CUX1: variants seen among roughly 807,000 people sequenced by gnomAD.
CUX1 encodes the protein cut like homeobox 1.
A neutral mutation model predicts 158.8 loss-of-function variants in CUX1; 31 were observed. The observed-to-expected ratio is 0.20, with a 90% CI of 0.15 to 0.26. CUX1 has a LOEUF of 0.26. Among genes scored for constraint, CUX1 ranks in the 10% least tolerant of loss-of-function variants. The pLI is 1.00. For missense variants in CUX1, 1,589 were observed against 2,014.6 expected (o/e 0.79, Z 4.04); for synonymous variants, 879 against 862.1 (o/e 1.02, Z -0.34).
rs141049421 is a variant in CUX1, at chr7:101,997,289, C to A, written c.142-30809C>A. ...TGCGTGCACGGAGCCTGCTCCACGT[C>A]TCTATGGACATTTCCATAACTTTTC... On this transcript the variant is annotated intron_variant, in intron 2 of 23. Transcript: ENST00000292535. Among the ~76,000 whole-genome samples the A allele has an allele frequency of 9.1e-3, 1,381 of 152,336 alleles. 18 individuals carry two copies. Among genetic ancestry groups the A allele is most frequent in the African/African-American group, 0.031 (1,308 of 41,584 alleles).
In CUX1 at chr7:102,241,831, G is replaced by A. The variant is rs566762785; in HGVS notation, c.3887+2247G>A. On this transcript the variant is annotated intron_variant, in intron 23 of 23. Transcript: ENST00000292535. ...GGACAAAATCCAGGATTAGCCAGGC[G>A]TGGTAACACGCACCTACAGCCCCAG... Among the ~76,000 whole-genome samples the A allele has an allele frequency of 2.2e-3, 336 of 152,340 alleles. 1 individual carries two copies. Among genetic ancestry groups the A allele is most frequent in the Middle Eastern group, 6.8e-3 (2 of 294 alleles).
chr7:101,847,255 T>C (rs1795797346), intron 1 of CUX1, among the ~76,000 whole-genome samples: 1 of 152,176 alleles, frequency 6.6e-6, no homozygotes. Flanking sequence ...AAATTTAGTT[T>C]TGGGGAAACT....
intron 3 of CUX1, among the ~76,000 whole-genome samples, chr7:102,061,226 A>G (rs1287898535): frequency 6.6e-6 from 1 of 151,896 alleles, no homozygotes; most frequent in Non-Finnish European, 1.5e-5. Flanking sequence ...TGCCCAGCCA[A>G]AGACTTCAGC....
At chr7:101,967,189 A>G (rs968316033) in intron 2 of CUX1, among the ~76,000 whole-genome samples, 12 of 151,580 alleles carry the variant, frequency 7.9e-5, no homozygotes, top group Non-Finnish European at 1.6e-4. Context: ...TAATTTTTGT[A>G]TTTTTAGTAG....
chr7:102,048,450 A>T (rs1364446922), intron 3 of CUX1, among the ~76,000 whole-genome samples: 1 of 152,118 alleles, frequency 6.6e-6, no homozygotes, highest in Non-Finnish European at 1.5e-5. Flanking sequence ...GTAGTGTTAG[A>T]ACCCAGGTGT....
chr7:102,130,371 T>TG (rs1833082276), intron 8 of CUX1, among the ~76,000 whole-genome samples: 1 of 152,028 alleles, frequency 6.6e-6, no homozygotes. Context: ...TAAAGAGGGT[T>TG]GGGAAAAAAT....
At chr7:101,850,383 C>A (rs1395222499) in intron 1 of CUX1, among the ~76,000 whole-genome samples, 3 of 151,350 alleles carry the variant, frequency 2.0e-5, no homozygotes, top group African/African-American at 7.3e-5. Flanking sequence ...TTTCCTACAC[C>A]CAAGAGCAGC....
intron 20 of CUX1, among the ~76,000 whole-genome samples, chr7:102,224,649 T>A (rs574749569): frequency 6.6e-6 from 1 of 152,272 alleles, no homozygotes; most frequent in Non-Finnish European, 1.5e-5. Flanking sequence ...GGGACACCTG[T>A]AACAGTAGTG....
Position 101,869,065 on chromosome 7 carries a change from G to C in CUX1, c.31-47050G>C, listed in dbSNP as rs1008019753. 3.0e-5 allele frequency among the ~76,000 whole-genome samples: 4 copies of C among 134,258 alleles called. No individual in the cohort carries two copies. The highest frequency in any genetic ancestry group is 8.6e-5 in the Admixed American group (1 of 11,636). 88.1% of individuals were successfully genotyped at this position (134,258 alleles called of 152,430 possible). On this transcript the variant is annotated intron_variant, in intron 1 of 23. Transcript: ENST00000292535. The surrounding 1 kb of genome is among the most constrained non-coding windows in gnomAD (Gnocchi z 4.5). ...CTGGGGTGGAGACTTCCTGGCTTCC[G>C]AGGGCGGGCGAGGGGGCAAAGGGCC...
At chr7:101,849,433 TG>T (rs1584753218) in intron 1 of CUX1, among the ~76,000 whole-genome samples, 1 of 152,256 alleles carries the variant, frequency 6.6e-6, no homozygotes, top group East Asian at 1.9e-4. Flanking sequence ...ATGCAGTATT[TG>T]GTTTTCTATT....
intron 7 of CUX1, among the ~76,000 whole-genome samples, chr7:102,113,240 T>A (rs1408518831): frequency 2.6e-5 from 4 of 152,134 alleles, no homozygotes; most frequent in African/African-American, 9.7e-5. Context: ...TTTTTAATTA[T>A]TTATTTATTT....
intron 1 of CUX1, among the ~76,000 whole-genome samples, chr7:101,857,149 G>A (rs927091333): frequency 1.3e-5 from 2 of 152,150 alleles, no homozygotes; most frequent in African/African-American, 4.8e-5. Context: ...TACCCCGCCC[G>A]GTGTTAGCGT....
At chr7:102,066,263 A>C (rs569598575) in intron 3 of CUX1, among the ~76,000 whole-genome samples, 2 of 151,958 alleles carry the variant, frequency 1.3e-5, no homozygotes, top group Non-Finnish European at 2.9e-5. Flanking sequence ...ACCTGTCTAC[A>C]TGTCTGTTTC....
At chr7:101,897,382 T>C (rs937103228) in intron 1 of CUX1, among the ~76,000 whole-genome samples, 5 of 152,110 alleles carry the variant, frequency 3.3e-5, no homozygotes, top group Admixed American at 2.6e-4. Context: ...GCACCTGTCG[T>C]GTCAGCTACT....
Position 102,204,459 on chromosome 7 carries a change from G to A in CUX1, c.2976G>A (p.Thr992=), listed in dbSNP as rs782060298. The change falls in exon 19 of 24, where the codon ACG becomes ACA. Residue 992 remains threonine, a synonymous_variant. Coordinates refer to ENST00000292535, the MANE Select transcript of CUX1 (RefSeq NM_181552.4). ...LSRPKPWSKL[T]QKGREPFIRM... ...GACCGAAGCCATGGAGCAAGCTGAC[G>A]CAGAAAGGCCGAGAACCCTTCATCC... is the stretch of plus-strand genomic sequence containing the variant. 1.5e-5 allele frequency: 24 copies of A among 1,613,698 alleles called. No individual in the cohort carries two copies. Among genetic ancestry groups the A allele is most frequent in the South Asian group, 1.3e-4 (12 of 91,092 alleles).
In CUX1 at chr7:102,104,476, G is replaced by A; in HGVS notation, c.530+17G>A. 1 of 1,611,308 alleles carries A rather than the reference G, an allele frequency of 6.2e-7. No homozygotes were observed. Among genetic ancestry groups the A allele is most frequent in the East Asian group, 2.2e-5 (1 of 44,814 alleles). On this transcript the variant is annotated intron_variant, in intron 6 of 23. Transcript: ENST00000292535. ...AAAGGAGAGGTGAGCATGACTTCCAGGCACACACAGACTGACATAGCATTT... is the reference window on the plus strand; with the variant it reads ...AAAGGAGAGGTGAGCATGACTTCCAAGCACACACAGACTGACATAGCATTT...
intron 2 of CUX1, among the ~76,000 whole-genome samples, chr7:101,954,998 C>T (rs927141191): frequency 6.6e-6 from 1 of 152,138 alleles, no homozygotes; most frequent in African/African-American, 2.4e-5. Flanking sequence ...TGGTGAGACC[C>T]TGTCTCTACT....
intron 8 of CUX1, among the ~76,000 whole-genome samples, chr7:102,135,455 G>C (rs1554498480): frequency 6.6e-6 from 1 of 151,988 alleles, no homozygotes; most frequent in Non-Finnish European, 1.5e-5. Context: ...AGGACGTGGA[G>C]GAGGTGGGAG....
Position 101,979,030 on chromosome 7 carries a change from G to A in CUX1, c.142-49068G>A, listed in dbSNP as rs371322608. On this transcript the variant is annotated intron_variant, in intron 2 of 23. Coordinates refer to ENST00000292535, the MANE Select transcript of CUX1 (RefSeq NM_181552.4). ...CACAAATTACTGGGGCCAGAGGGGC[G>A]CTGCCTGGTGTTAACCGCCTGGTGC... Among the ~76,000 whole-genome samples the A allele has an allele frequency of 1.2e-4, 18 of 152,342 alleles. No homozygotes were observed. The East Asian group carries it at 2.9e-3, about 25-fold the overall frequency.
Sources: allele counts gnomAD v4.1 joint callset (sites outside exome capture counted in the v4.1 genomes callset), GRCh38; gene constraint gnomAD v4.1.1; non-coding constraint Gnocchi (gnomAD v3.1); transcripts MANE v1.5; gene names NCBI Gene and HGNC (gene_info 2026-07-23, HGNC 2026-07-21).